The following CTNNA1 variants were observed in gnomAD, a reference collection of about 807,000 sequenced individuals.
CTNNA1 encodes the protein catenin alpha 1, also known as catenin alpha-1.
A neutral mutation model predicts 98.4 loss-of-function variants in CTNNA1; 37 were observed. The observed-to-expected ratio is 0.38, with a 90% confidence interval of 0.29 to 0.49. The LOEUF is 0.49. Among genes scored for constraint, CTNNA1 ranks in the 20% least tolerant of loss-of-function variants. The pLI is 0.95. For missense variants in CTNNA1, 761 were observed against 1,147.2 expected (o/e 0.66, Z 4.86); for synonymous variants, 404 against 413.2 (o/e 0.98, Z 0.27).
intron 1 of CTNNA1, among the ~76,000 whole-genome samples, chr5:138,781,446 C>CT (rs1755099874): frequency 6.6e-6 from 1 of 151,656 alleles, no homozygotes; most frequent in Non-Finnish European, 1.5e-5. Flanking sequence ...GTCACAGCCA[C>CT]TTGGGAGGCT....
chr5:138,812,602 G>T (rs954864212), intron 5 of CTNNA1, among the ~76,000 whole-genome samples: 3 of 152,164 alleles, frequency 2.0e-5, no homozygotes, highest in Non-Finnish European at 2.9e-5. Context: ...GGATTAACCT[G>T]AATTAGTGGT....
intron 3 of CTNNA1, among the ~76,000 whole-genome samples, chr5:138,799,260 A>G (rs1200725107): frequency 3.9e-5 from 6 of 152,148 alleles, no homozygotes; most frequent in Non-Finnish European, 8.8e-5. Flanking sequence ...TTCCGGGTTC[A>G]GGCAATTCTC....
chr5:138,872,336 A>G (rs1209317517), intron 7 of CTNNA1: 3 of 152,624 alleles, frequency 2.0e-5, no homozygotes. Context: ...ACCTTTTCAC[A>G]GTCACTTGGA....
chr5:138,817,263 T>C (rs535166746), intron 5 of CTNNA1, among the ~76,000 whole-genome samples: 1 of 152,370 alleles, frequency 6.6e-6, no homozygotes, highest in Admixed American at 6.5e-5. Flanking sequence ...ATCTGCGTTA[T>C]TCTAATGGGA....
intron 13 of CTNNA1, among the ~76,000 whole-genome samples, chr5:138,925,749 C>T (rs1052477441): frequency 2.0e-5 from 3 of 152,144 alleles, no homozygotes; most frequent in African/African-American, 7.2e-5. Context: ...TTTCATAATG[C>T]GGATTCAAGT....
intron 1 of CTNNA1, among the ~76,000 whole-genome samples, chr5:138,759,349 C>G (rs1369121231): frequency 6.6e-6 from 1 of 152,118 alleles, no homozygotes; most frequent in South Asian, 2.1e-4. Context: ...CTTCTCAGGT[C>G]TTTTTTGAGC....
intron 1 of CTNNA1, among the ~76,000 whole-genome samples, chr5:138,779,623 C>T (rs1332751920): frequency 6.6e-6 from 1 of 151,970 alleles, no homozygotes; most frequent in Non-Finnish European, 1.5e-5. Flanking sequence ...CTGCCTTGGC[C>T]TTCCAAAGTG....
intron 10 of CTNNA1, among the ~76,000 whole-genome samples, chr5:138,912,506 G>C (rs867933279): frequency 2.6e-5 from 4 of 152,112 alleles, no homozygotes; most frequent in Non-Finnish European, 4.4e-5. Context: ...GAAAAGGAGG[G>C]AACTTCCTTA....
chr5:138,809,936 G>A (rs1017143152), intron 3 of CTNNA1, 102 bp from the exon 4 acceptor site: 7 of 1,379,320 alleles, frequency 5.1e-6, no homozygotes, highest in South Asian at 1.6e-5. Flanking sequence ...CTAAATTTGT[G>A]CATGAAATAT....
At chr5:138,913,080 TCA>T (rs1760994456) in intron 10 of CTNNA1, among the ~76,000 whole-genome samples, 2 of 151,928 alleles carry the variant, frequency 1.3e-5, no homozygotes, top group African/African-American at 4.8e-5. Flanking sequence ...TAACTTTCGT[TCA>T]GTTTTTTTTT....
At chr5:138,857,760 T>C (rs1280577436) in intron 7 of CTNNA1, among the ~76,000 whole-genome samples, 2 of 152,164 alleles carry the variant, frequency 1.3e-5, no homozygotes, top group African/African-American at 2.4e-5. Context: ...TAAGTAGAGG[T>C]GCTATACTTT....
intron 11 of CTNNA1, among the ~76,000 whole-genome samples, chr5:138,919,950 C>G (rs1177222349): frequency 6.6e-6 from 1 of 151,108 alleles, no homozygotes; most frequent in Non-Finnish European, 1.5e-5. Context: ...CATCCCTTAC[C>G]CATGGTAGCT....
intron 1 of CTNNA1, among the ~76,000 whole-genome samples, chr5:138,778,557 T>C (rs1211606805): frequency 1.3e-5 from 2 of 152,210 alleles, no homozygotes; most frequent in African/African-American, 4.8e-5. Flanking sequence ...CCATCTGTCA[T>C]AAATAAATAA....
rs1554081132 is a variant in CTNNA1, at chr5:138,799,857, G to GATATATGT, written c.302-10179_302-10178insATATGTAT. On this transcript the variant is annotated intron_variant, in intron 3 of 17. Transcript: ENST00000302763. ...GCTAAAATAAATTAGAGTAGATGTA[G>GATATATGT]ATGTATGTATGTATGTATGTATGTA... Among the ~76,000 whole-genome samples the GATATATGT allele has an allele frequency of 1.3e-4, 20 of 149,134 alleles. 1 individual carries two copies. Among genetic ancestry groups the GATATATGT allele is most frequent in the African/African-American group, 4.2e-4 (17 of 40,150 alleles).
At chr5:138,924,819 T>C in intron 12 of CTNNA1, 109 bp downstream of exon 12, 1 of 1,012,980 alleles carries the variant, frequency 9.9e-7, no homozygotes, top group Non-Finnish European at 1.5e-6. Context: ...GGAACTCAGA[T>C]TTGGTCTCAT....
At chr5:138,904,276 A>G in intron 9 of CTNNA1, 73 bp from the exon 10 acceptor site, 1 of 1,507,956 alleles carries the variant, frequency 6.6e-7, no homozygotes, top group Non-Finnish European at 8.9e-7. Context: ...GGTCAGAGGT[A>G]GGGCCAGGTG....
chr5:138,904,468 G>T (rs745793461), intron 10 of CTNNA1, 27 bp downstream of exon 10: 1 of 1,587,564 alleles, frequency 6.3e-7, no homozygotes. Context: ...ACTGGTGACA[G>T]CATAACCAAA....
intron 7 of CTNNA1, among the ~76,000 whole-genome samples, chr5:138,848,197 T>C (rs991035488): frequency 1.3e-5 from 2 of 152,264 alleles, no homozygotes; most frequent in African/African-American, 4.8e-5. Context: ...CATGAAAAGT[T>C]ACCTAAGCTT....
chr5:138,931,682 T>C, intron 16 of CTNNA1: 1 of 985,470 alleles, frequency 1.0e-6, no homozygotes, highest in Non-Finnish European at 1.2e-6. Context: ...CCGCTCCCGA[T>C]TTCCTGTTCT....
Sources: allele counts gnomAD v4.1 joint callset (sites outside exome capture counted in the v4.1 genomes callset), GRCh38; gene constraint gnomAD v4.1.1; transcripts MANE v1.5; gene names NCBI Gene and HGNC (gene_info 2026-07-23, HGNC 2026-07-21).